Variants in SAMD11 observed in about 807,000 individuals in gnomAD.
SAMD11 encodes sterile alpha motif domain containing 11.
Under a neutral mutation model 64.4 loss-of-function variants are expected in SAMD11, and 77 were observed. That is an observed-to-expected ratio of 1.20 (90% CI 0.99 to 1.44). The LOEUF (loss-of-function observed/expected upper bound fraction) is 1.44, where lower values mean the gene tolerates loss of function less well. SAMD11 is among the 40% of genes most tolerant of loss of function. The pLI, the probability that SAMD11 is intolerant of heterozygous loss-of-function variation, is 0.00. For missense variants in SAMD11, 1,402 were observed against 943.3 expected (o/e 1.49, Z -6.37); for synonymous variants, 658 against 421.9 (o/e 1.56, Z -6.86).
intron 1 of SAMD11, 182 bp from the exon 2 acceptor site, chr1:925,740 A>G: frequency 1.7e-6 from 1 of 588,594 alleles, no homozygotes; most frequent in Non-Finnish European, 3.1e-6. Context: ...TGCAGAGCCC[A>G]GCAGATCCCT....
chr1:933,096 G>T (rs1569878479), intron 4 of SAMD11, among the ~76,000 whole-genome samples: 1 of 152,168 alleles, frequency 6.6e-6, no homozygotes, highest in Admixed American at 6.5e-5. Flanking sequence ...CCTGCAGCCC[G>T]GCCCCACCAC....
intron 6 of SAMD11, 56 bp from the exon 7 acceptor site, chr1:939,219 G>C: frequency 6.4e-7 from 1 of 1,552,692 alleles, no homozygotes. Flanking sequence ...ACTCTAGAGG[G>C]GCGTGGTCCT....
chr1:925,922 G>A lies in SAMD11; in HGVS notation c.518G>A (p.Gly173Glu). ...KDWKRSIRHK[G>E]KSLKTLMSKG... ...GGGTCTGCCTCGGCTCTGCTCGCAGGGAAAAGTCTGAAGACGCTTATGTCC... is the reference window on the plus strand; with the variant it reads ...GGGTCTGCCTCGGCTCTGCTCGCAGAGAAAAGTCTGAAGACGCTTATGTCC... The change falls in exon 2 of 14, where the codon GGG (glycine) becomes GAG (glutamate). Residue 173 changes from glycine to glutamate, a missense_variant and splice_region_variant. Gly to Glu is a moderately conservative substitution (Grantham distance 98). Coordinates refer to ENST00000616016, the MANE Select transcript of SAMD11 (RefSeq NM_001385641.1). 6.2e-7 allele frequency: 1 copy of A among 1,609,590 alleles called. No homozygotes were observed. The highest frequency in any genetic ancestry group is 8.5e-7 in the Non-Finnish European group (1 of 1,178,524).
chr1:925,423 G>T lies in SAMD11; in HGVS notation c.517+475G>T, dbSNP rs373341241. ...ACAACCTGTTTTGGCGCCTGCGGGC[G>T]CCTGGGCCCAAGGGTGCGACGCGGG... On this transcript the variant is annotated intron_variant, in intron 1 of 13. Coordinates refer to ENST00000616016, the MANE Select transcript of SAMD11 (RefSeq NM_001385641.1). 9.3e-5 allele frequency among the ~76,000 whole-genome samples: 12 copies of T among 128,502 alleles called. No individual in the cohort carries two copies. In the East Asian group the frequency reaches 2.2e-3, roughly 23 times the overall value. 84.3% of individuals were successfully genotyped at this position (128,502 alleles called of 152,430 possible).
At chr1:928,331 G>C (rs1001665104) in intron 2 of SAMD11, among the ~76,000 whole-genome samples, 1 of 152,232 alleles carries the variant, frequency 6.6e-6, no homozygotes, top group Admixed American at 6.5e-5. Flanking sequence ...GGCGGAGCTT[G>C]CAGTGAGCCC....
Position 928,371 on chromosome 1 carries a change from A to G in SAMD11, c.610-1784A>G, listed in dbSNP as rs148891889. ...TGTGCCACCGCACTCCAGCCTGGGC[A>G]ACAGAGTGAGACTCCGTCTCAAAAA... is the stretch of plus-strand genomic sequence containing the variant. On this transcript the variant is annotated intron_variant, in intron 2 of 13. Coordinates refer to ENST00000616016, the MANE Select transcript of SAMD11 (RefSeq NM_001385641.1). Among the ~76,000 whole-genome samples the G allele has an allele frequency of 4.9e-3, 754 of 152,348 alleles. 6 individuals carry two copies. Among genetic ancestry groups the G allele is most frequent in the African/African-American group, 0.014 (571 of 41,582 alleles).
At chr1:928,584 C>G (rs1434106950) in intron 2 of SAMD11, among the ~76,000 whole-genome samples, 2 of 152,272 alleles carry the variant, frequency 1.3e-5, no homozygotes, top group Non-Finnish European at 2.9e-5. Context: ...GGCATCATAC[C>G]TTCGGCCTTG....
At chr1:943,146 C>G (rs1222523804) in intron 11 of SAMD11, 88 bp downstream of exon 11, 28 of 1,581,196 alleles carry the variant, frequency 1.8e-5, no homozygotes, top group Non-Finnish European at 2.4e-5. Context: ...GAAAAATTCC[C>G]CTTAGGCACC....
intron 2 of SAMD11, 74 bp from the exon 3 acceptor site, chr1:930,081 A>T: frequency 6.8e-7 from 1 of 1,475,032 alleles, no homozygotes; most frequent in African/African-American, 1.4e-5. Flanking sequence ...GGCCCGGTCC[A>T]GCCCCACCTT....
chr1:935,425 G>A (rs1387999596), intron 4 of SAMD11, among the ~76,000 whole-genome samples: 3 of 129,926 alleles, frequency 2.3e-5, no homozygotes, highest in African/African-American at 1.3e-4. Flanking sequence ...CTCTTCCCGG[G>A]CGCCCGGTGG....
chr1:927,943 C>T (rs550407747), intron 2 of SAMD11, among the ~76,000 whole-genome samples: 63 of 152,376 alleles, frequency 4.1e-4, no homozygotes, highest in Middle Eastern at 3.4e-3. Flanking sequence ...CCCGACTCTG[C>T]GCATCACGGG....
rs1217150180 is a variant in SAMD11 at position 942,184 on chromosome 1, C to T, written c.1407C>T (p.His469=). 3.5e-6 allele frequency: 5 copies of T among 1,428,068 alleles called. No individual in the cohort carries two copies. The highest frequency in any genetic ancestry group is 3.7e-6 in the Non-Finnish European group (4 of 1,088,834). The allele number at this position is 1,428,068 out of a possible 1,614,324, so 88.5% of individuals were successfully genotyped here. ...TGCTGTCGCCGCAGAATGCCCCTCACGTCGCCCTGGGCCCCCATCTCAGGC... is the reference window on the plus strand; with the variant it reads ...TGCTGTCGCCGCAGAATGCCCCTCATGTCGCCCTGGGCCCCCATCTCAGGC... The part of the protein sequence containing the change: ...PPLLSPQNAP[H]VALGPHLRPP... Residue 469 remains histidine (H), a synonymous_variant, in exon 9 of 14, where the codon CAC becomes CAT. Coordinates refer to ENST00000616016, the MANE Select transcript of SAMD11 (RefSeq NM_001385641.1).
In SAMD11 at chr1:942,896, G is replaced by C; in HGVS notation, c.1891G>C (p.Asp631His). The C allele has an allele frequency of 6.4e-7, 1 of 1,555,676 alleles. No homozygotes were observed. Among genetic ancestry groups the C allele is most frequent in the Non-Finnish European group, 8.7e-7 (1 of 1,149,866 alleles). ...TGGCTCGGAAGACGAGCCCCCCAAA[G>C]ACTCGGACGGAGAGGACCCCGAGAC... The part of the protein sequence containing the change: ...QDGSEDEPPK[D>H]SDGEDPETAA... Residue 631 changes from aspartate (D) to histidine (H), a missense_variant, in exon 11 of 14, where the codon GAC becomes CAC. Transcript: ENST00000616016.
At position 924,159 on chromosome 1, in the gene SAMD11, C is replaced by T. The variant is rs1569853393; in HGVS notation, c.-273C>T. On this transcript the variant is annotated 5_prime_UTR_variant, in exon 1 of 14. Coordinates refer to ENST00000616016, the MANE Select transcript of SAMD11 (RefSeq NM_001385641.1). ...GGGACTCCAGACGCCCCGGGGAGCC[C>T]CGAGGCCCTGGAACTGCGGCGCTCG... 6.7e-6 allele frequency: 1 copy of T among 149,766 alleles called. No homozygotes were observed. The highest frequency in any genetic ancestry group is 2.4e-5 in the African/African-American group (1 of 41,268). The allele number at this position is 149,766 out of a possible 1,614,324, so 9.3% of individuals were successfully genotyped here.
intron 5 of SAMD11, among the ~76,000 whole-genome samples, chr1:936,428 C>A (rs1342521739): frequency 1.6e-5 from 2 of 125,840 alleles, no homozygotes; most frequent in Non-Finnish European, 3.0e-5. Flanking sequence ...GAGGGGGTCC[C>A]CGGTCGGTCC....
chr1:940,219 C>G (rs1274208280), intron 7 of SAMD11: 1 of 150,938 alleles, frequency 6.6e-6, no homozygotes, highest in African/African-American at 2.4e-5. Context: ...CCTGCTCTGC[C>G]TGGGGCCGCT....
intron 1 of SAMD11, 22 bp from the exon 2 acceptor site, chr1:925,900 T>A: frequency 6.4e-7 from 1 of 1,564,934 alleles, no homozygotes; most frequent in Non-Finnish European, 8.8e-7. Context: ...CCTCACAGGG[T>A]CTGCCTCGGC....
chr1:943,097 A>G (rs774624183), intron 11 of SAMD11, 39 bp downstream of exon 11: 21 of 1,552,288 alleles, frequency 1.4e-5, no homozygotes, highest in Non-Finnish European at 1.7e-5. Flanking sequence ...CAGAGGGCAC[A>G]GGACTGGCAG....
At chr1:940,645 G>C (rs1167310160) in intron 7 of SAMD11, among the ~76,000 whole-genome samples, 1 of 152,208 alleles carries the variant, frequency 6.6e-6, no homozygotes, top group Non-Finnish European at 1.5e-5. Flanking sequence ...ACCCTGCGCA[G>C]CCGGGACTGG....
Sources: allele counts gnomAD v4.1 joint callset (sites outside exome capture counted in the v4.1 genomes callset), GRCh38; gene constraint gnomAD v4.1.1; transcripts MANE v1.5; gene names NCBI Gene and HGNC (gene_info 2026-07-23, HGNC 2026-07-21).